Variants in CCDC171 observed in about 807,000 individuals in gnomAD.
The protein encoded by CCDC171 is coiled-coil domain-containing protein 171.
Under a neutral mutation model 168.2 loss-of-function variants are expected in CCDC171, and 177 were observed. The observed-to-expected ratio is 1.05, with a 90% confidence interval of 0.93 to 1.19. CCDC171 has a LOEUF of 1.19. CCDC171 is among the 50% of genes most tolerant of loss of function. The pLI is 0.00. For synonymous variants in CCDC171, 687 were observed against 540.8 expected (o/e 1.27, Z -3.75); for missense variants, 1,991 against 1,539.0 (o/e 1.29, Z -4.91).
chr9:15,710,649 A>C (rs1564261515), intron 11 of CCDC171, among the ~76,000 whole-genome samples: 3 of 149,358 alleles, frequency 2.0e-5, no homozygotes, highest in African/African-American at 2.5e-5. Context: ...AGGCTGGAGT[A>C]CGGTGGCACA....
At chr9:15,709,088 A>G (rs2052463990) in intron 11 of CCDC171, among the ~76,000 whole-genome samples, 1 of 152,176 alleles carries the variant, frequency 6.6e-6, no homozygotes, top group South Asian at 2.1e-4. Flanking sequence ...TCACCATGGA[A>G]ATTGGAATAA....
intron 18 of CCDC171, among the ~76,000 whole-genome samples, chr9:15,768,499 C>T (rs546054800): frequency 1.3e-5 from 2 of 152,268 alleles, no homozygotes; most frequent in Admixed American, 1.3e-4. Flanking sequence ...ACCCTTTCTC[C>T]CTGTCTCCCA....
intron 25 of CCDC171, among the ~76,000 whole-genome samples, chr9:15,960,164 A>T (rs1439195172): frequency 6.6e-6 from 1 of 152,202 alleles, no homozygotes; most frequent in African/African-American, 2.4e-5. Flanking sequence ...GCTATTGTGC[A>T]TCAAAGCTTT....
chr9:15,899,811 T>C (rs2131614565), intron 24 of CCDC171, among the ~76,000 whole-genome samples: 1 of 152,272 alleles, frequency 6.6e-6, no homozygotes, highest in East Asian at 1.9e-4. Context: ...TTACTCTTTG[T>C]GACAGAATTT....
intron 10 of CCDC171, among the ~76,000 whole-genome samples, chr9:15,691,546 T>TTA (rs55892512): frequency 0.025 from 2,706 of 106,406 alleles, 87 homozygotes; most frequent in Middle Eastern, 0.082. Flanking sequence ...TATATGTTTT[T>TTA]TATATATATA....
chr9:15,762,979 G>T (rs539949155), intron 18 of CCDC171, among the ~76,000 whole-genome samples: 1 of 152,142 alleles, frequency 6.6e-6, no homozygotes, highest in Non-Finnish European at 1.5e-5. Flanking sequence ...AAATTCAGGG[G>T]TCCCCAGGGC....
intron 18 of CCDC171, 102 bp downstream of exon 18, chr9:15,745,733 A>G (rs2055226699): frequency 1.6e-6 from 1 of 624,028 alleles, no homozygotes; most frequent in Non-Finnish European, 2.7e-6. Flanking sequence ...GGGGAAATAT[A>G]TTTGTTTTTA....
intron 18 of CCDC171, among the ~76,000 whole-genome samples, chr9:15,764,610 A>G (rs1003225116): frequency 6.6e-6 from 1 of 152,206 alleles, no homozygotes; most frequent in African/African-American, 2.4e-5. Context: ...GGAAGAGAAA[A>G]TCAAGAGTTT....
intron 11 of CCDC171, among the ~76,000 whole-genome samples, chr9:15,709,772 A>G (rs929378824): frequency 2.6e-5 from 4 of 152,206 alleles, no homozygotes; most frequent in Non-Finnish European, 5.9e-5. Context: ...AGTAAAGTTT[A>G]CTTCAAAAAA....
chr9:16,093,335 G>A, the CCDC171 span, among the ~76,000 whole-genome samples: 5 of 152,130 alleles, frequency 3.3e-5, no homozygotes, highest in African/African-American at 1.2e-4. Flanking sequence ...TGACCTTCAG[G>A]GGCTTCCCAC....
rs151153456 is a variant in CCDC171, at chr9:15,665,154, G to A, written c.916-1009G>A. Among the ~76,000 whole-genome samples the A allele has an allele frequency of 1.7e-3, 264 of 151,600 alleles. 2 individuals carry two copies. The highest frequency in any genetic ancestry group is 6.0e-3 in the African/African-American group (248 of 41,308). On this transcript the variant is annotated intron_variant, in intron 8 of 25. Transcript: ENST00000380701. The stretch of plus-strand genomic sequence containing the variant: ...TTTTAAATTTTTTATTTTGAGGGAA[G>A]GTCTCACTGTTAATCAGGCTGGAGT...
chr9:15,651,132 T>G (rs1286236675), intron 7 of CCDC171, among the ~76,000 whole-genome samples: 1 of 151,580 alleles, frequency 6.6e-6, no homozygotes, highest in Non-Finnish European at 1.5e-5. Flanking sequence ...TTTTTTGAGA[T>G]GAAGTCTCAC....
chr9:15,650,705 GT>G (rs909561225), intron 7 of CCDC171, among the ~76,000 whole-genome samples: 21 of 151,796 alleles, frequency 1.4e-4, no homozygotes, highest in Admixed American at 2.0e-4. Flanking sequence ...TGATACACAT[GT>G]TTTTTGTCTT....
intron 23 of CCDC171, among the ~76,000 whole-genome samples, chr9:15,862,576 TC>T (rs2061606558): frequency 6.6e-6 from 1 of 152,112 alleles, no homozygotes; most frequent in Admixed American, 6.6e-5. Flanking sequence ...GGATTATGTT[TC>T]TCTGTTTTTT....
rs773874970 is a variant in CCDC171, at chr9:15,695,264, G to A, written c.1245G>A (p.Glu415=). ...MAKKHQAFLV[E]TCENNVKELE... is the part of the protein sequence containing the mutation. ...AGAAGCACCAGGCCTTCCTAGTAGA[G>A]ACATGTGAAAATAACGTGAAAGAAT... Residue 415 remains glutamate, a synonymous_variant, in exon 11 of 26, where the codon GAG becomes GAA. Coordinates refer to ENST00000380701, the MANE Select transcript of CCDC171 (RefSeq NM_173550.4). 6.2e-7 allele frequency: 1 copy of A among 1,614,066 alleles called. No individual in the cohort carries two copies. The highest frequency in any genetic ancestry group is 1.1e-5 in the South Asian group (1 of 91,054).
intron 21 of CCDC171, among the ~76,000 whole-genome samples, chr9:15,798,205 C>T (rs935121603): frequency 2.6e-5 from 4 of 152,050 alleles, no homozygotes; most frequent in African/African-American, 9.7e-5. Context: ...TTTACTGATA[C>T]AGAGAGGCTT....
intron 3 of CCDC171, among the ~76,000 whole-genome samples, chr9:15,992,080 G>A (rs1050790501): frequency 6.6e-6 from 1 of 152,166 alleles, no homozygotes; most frequent in African/African-American, 2.4e-5. Context: ...CTCATTTTAT[G>A]AGGCCAGCAT....
chr9:15,581,566 C>G (rs2041120441), intron 4 of CCDC171, among the ~76,000 whole-genome samples: 1 of 152,162 alleles, frequency 6.6e-6, no homozygotes, highest in Admixed American at 6.5e-5. Context: ...CAACATGGTA[C>G]TGATACCAAA....
intron 21 of CCDC171, among the ~76,000 whole-genome samples, chr9:15,829,854 A>T (rs951544119): frequency 6.6e-6 from 1 of 152,224 alleles, no homozygotes; most frequent in Non-Finnish European, 1.5e-5. Context: ...CAGTAGATTG[A>T]GGCTGCAGTG....
Sources: allele counts gnomAD v4.1 joint callset (sites outside exome capture counted in the v4.1 genomes callset), GRCh38; gene constraint gnomAD v4.1.1; transcripts MANE v1.5; gene names NCBI Gene and HGNC (gene_info 2026-07-23, HGNC 2026-07-21).